Variants in LRP6 observed in about 807,000 individuals in gnomAD.
LRP6 encodes low-density lipoprotein receptor-related protein 6.
A neutral mutation model predicts 184.1 loss-of-function variants in LRP6; 43 were observed. The observed-to-expected ratio is 0.23, with a 90% CI of 0.18 to 0.30. LRP6 has a LOEUF of 0.30. Ranked by LOEUF, LRP6 falls within the 10% of genes least tolerant of loss-of-function variation. The probability of loss-of-function intolerance (pLI) is 1.00; values close to 1 mark genes in which losing one functional copy is unlikely to be tolerated. For missense variants in LRP6, 1,571 were observed against 2,005.3 expected, an observed-to-expected ratio of 0.78 and a Z score of 4.14; for synonymous variants, 719 against 684.9, an observed-to-expected ratio of 1.05 and a Z score of -0.78.
intron 7 of LRP6, 28 bp downstream of exon 7, chr12:12,179,782 C>T (rs202174398): frequency 9.3e-6 from 15 of 1,612,062 alleles, no homozygotes; most frequent in Middle Eastern, 1.7e-4. Context: ...ATAAAAGTGG[C>T]TTGAAAATGA....
In LRP6 at chr12:12,121,422, T is replaced by A. The variant is rs766252616; in HGVS notation, c.4548-2A>T. The A allele has an allele frequency of 6.2e-7, 1 of 1,613,782 alleles. No homozygotes were observed. Among genetic ancestry groups the A allele is most frequent in the Admixed American group, 1.7e-5 (1 of 59,994 alleles). ...TGCCGGTAGCTATATGGCCTGTAGCTGGTATAGGGAGAAAATAAAGAGAAG... is the reference window on the plus strand; with the variant it reads ...TGCCGGTAGCTATATGGCCTGTAGCAGGTATAGGGAGAAAATAAAGAGAAG... On this transcript the variant is annotated splice_acceptor_variant, in intron 22 of 22. Coordinates refer to ENST00000261349, the MANE Select transcript of LRP6 (RefSeq NM_002336.3). LOFTEE classifies it high-confidence loss of function.
chr12:12,257,523 G>A (rs1865493630), intron 1 of LRP6, among the ~76,000 whole-genome samples: 1 of 148,230 alleles, frequency 6.7e-6, no homozygotes. Context: ...GGAGCTTGCA[G>A]TGAGCCGAGA....
rs897069002 is a variant in LRP6 at position 12,187,006 on chromosome 12, G to A, written c.761C>T (p.Thr254Ile). ...ATGGATTTCACGCAGACCCTCACCA[G>A]TATACTTGTTGCAAGCCAAAATGGA... Reference protein sequence around the residue: ...THSILACNKYTGEGLREIHSD... With the variant: ...THSILACNKYIGEGLREIHSD... The change falls in exon 4 of 23, where the codon ACT becomes ATT. Residue 254 changes from threonine (T) to isoleucine (I), a missense_variant. Thr to Ile is a moderately conservative substitution (Grantham distance 89). Coordinates refer to ENST00000261349, the MANE Select transcript of LRP6 (RefSeq NM_002336.3). 6.2e-7 allele frequency: 1 copy of A among 1,614,086 alleles called. No homozygotes were observed. The highest frequency in any genetic ancestry group is 2.2e-5 in the East Asian group (1 of 44,878).
intron 2 of LRP6, among the ~76,000 whole-genome samples, chr12:12,237,715 C>G (rs1353686410): frequency 1.3e-5 from 2 of 152,176 alleles, no homozygotes; most frequent in African/African-American, 2.4e-5. Flanking sequence ...TAGAGCCAAA[C>G]TGAGGAACGT....
intron 19 of LRP6, 82 bp downstream of exon 19, chr12:12,130,701 C>T (rs922114186): frequency 6.2e-6 from 5 of 800,766 alleles, no homozygotes; most frequent in Admixed American, 3.9e-5. Flanking sequence ...AAGGAAATCT[C>T]GATAAGTAAA....
In LRP6 at chr12:12,251,144, G is replaced by T. The variant is rs558727396; in HGVS notation, c.56-6489C>A. On this transcript the variant is annotated intron_variant, in intron 1 of 22. Coordinates refer to ENST00000261349, the MANE Select transcript of LRP6 (RefSeq NM_002336.3). ...GACGTGGTTTTGCCATGTTAGCCAG[G>T]CTGGTCTTAAACTGCTGACCTCAAG... Among the ~76,000 whole-genome samples, 87 of 152,096 alleles carry T rather than the reference G, an allele frequency of 5.7e-4. 1 individual carries two copies. In the South Asian group the frequency reaches 0.018, roughly 31 times the overall value.
At chr12:12,128,769 C>G (rs1011188889) in intron 19 of LRP6, among the ~76,000 whole-genome samples, 2 of 152,192 alleles carry the variant, frequency 1.3e-5, no homozygotes, top group African/African-American at 2.4e-5. Flanking sequence ...CTTTGGTTTT[C>G]AGTTCCTGCT....
intron 2 of LRP6, among the ~76,000 whole-genome samples, chr12:12,228,884 C>T (rs372834124): frequency 2.0e-5 from 3 of 152,176 alleles, no homozygotes; most frequent in African/African-American, 7.2e-5. Flanking sequence ...GGCAATAGGC[C>T]CCAGCGAGCT....
chr12:12,164,449 T>G lies in LRP6; in HGVS notation c.1876A>C (p.Thr626Pro). The change falls in exon 9 of 23, where the codon ACC (threonine) becomes CCC (proline). Residue 626 changes from threonine to proline, a missense_variant. Thr to Pro is a conservative substitution (Grantham distance 38). Around this residue, in one of 4 missense-constraint regions of LRP6, gnomAD observed 640 missense variants for 851.9 expected, o/e 0.75. Coordinates refer to ENST00000261349, the MANE Select transcript of LRP6 (RefSeq NM_002336.3). ...IGFELISDMK[T>P]CIVPEAFLLF... The stretch of plus-strand genomic sequence containing the variant: ...AGGAAAGCCTCTGGGACAATGCAGG[T>G]CTTCATGTCACTGATGAGTTCAAAG... 6.2e-7 allele frequency: 1 copy of G among 1,614,118 alleles called. No homozygotes were observed. The highest frequency in any genetic ancestry group is 8.5e-7 in the Non-Finnish European group (1 of 1,180,002).
chr12:12,201,708 C>T (rs1296048757), intron 3 of LRP6, among the ~76,000 whole-genome samples: 1 of 152,166 alleles, frequency 6.6e-6, no homozygotes, highest in Non-Finnish European at 1.5e-5. Flanking sequence ...AAAACTATGA[C>T]ATGGCCACAT....
chr12:12,188,064 T>C (rs1005274524), intron 3 of LRP6, among the ~76,000 whole-genome samples: 1 of 151,670 alleles, frequency 6.6e-6, no homozygotes, highest in African/African-American at 2.4e-5. Flanking sequence ...ACAAAAAAAT[T>C]AGCCAGGCGT....
At chr12:12,219,357 C>T (rs1864428014) in intron 2 of LRP6, among the ~76,000 whole-genome samples, 1 of 152,138 alleles carries the variant, frequency 6.6e-6, no homozygotes, top group Admixed American at 6.5e-5. Flanking sequence ...AGGTGCCCGC[C>T]ACCACGCCTG....
At chr12:12,241,853 G>A (rs1325839310) in intron 2 of LRP6, among the ~76,000 whole-genome samples, 1 of 152,150 alleles carries the variant, frequency 6.6e-6, no homozygotes, top group East Asian at 1.9e-4. Context: ...TATCAGCTAA[G>A]TCTTTGGTGA....
chr12:12,131,065 G>A lies in LRP6; in HGVS notation c.3971-172C>T, dbSNP rs953531100. Among the ~76,000 whole-genome samples the A allele has an allele frequency of 4.4e-4, 65 of 149,054 alleles. 1 individual carries two copies. The highest frequency in any genetic ancestry group is 8.5e-4 in the Non-Finnish European group (57 of 67,420). ...TGGTTGAGAGAGAGAAAAAAGAGTA[G>A]GAGAAAAAAATCCAGCAGGAAATTT... On this transcript the variant is annotated intron_variant, in intron 18 of 22. Transcript: ENST00000261349.
chr12:12,203,265 C>A lies in LRP6; in HGVS notation c.585G>T (p.Lys195Asn). 1 of 1,613,782 alleles carries A rather than the reference C, an allele frequency of 6.2e-7. No individual in the cohort carries two copies. The highest frequency in any genetic ancestry group is 1.3e-5 in the African/African-American group (1 of 75,034). ...TAAGTTTTGCATCTGCCCAATAAAG[C>A]TTTTGTTCTTCATAATCCAAAGTCA... ...NGLTLDYEEQ[K>N]LYWADAKLNF... The change falls in exon 3 of 23, where the codon AAG becomes AAT. Residue 195 changes from lysine (K) to asparagine (N), a missense_variant. Coordinates refer to ENST00000261349, the MANE Select transcript of LRP6 (RefSeq NM_002336.3).
intron 4 of LRP6, chr12:12,186,676 TGAGA>T: frequency 9.8e-6 from 4 of 407,520 alleles, no homozygotes; most frequent in African/African-American, 2.0e-5. Flanking sequence ...TTTTTTTTTT[TGAGA>T]CACAGTCTTT....
intron 12 of LRP6, chr12:12,155,545 C>G (rs142482162): frequency 4.4e-5 from 33 of 745,076 alleles, no homozygotes; most frequent in Non-Finnish European, 6.5e-5. Flanking sequence ...ATATTCAGCA[C>G]GTTAAGCACG....
intron 2 of LRP6, among the ~76,000 whole-genome samples, chr12:12,233,586 C>T (rs1399845954): frequency 6.6e-6 from 1 of 152,144 alleles, no homozygotes; most frequent in Admixed American, 6.5e-5. Flanking sequence ...AGGGGGAGGA[C>T]CAACTGAACT....
At chr12:12,148,016 G>T (rs570140270) in intron 14 of LRP6, among the ~76,000 whole-genome samples, 1 of 139,810 alleles carries the variant, frequency 7.2e-6, no homozygotes, top group South Asian at 2.1e-4. Flanking sequence ...AAATATATAT[G>T]TGTATATATA....
Sources: allele counts gnomAD v4.1 joint callset (sites outside exome capture counted in the v4.1 genomes callset), GRCh38; gene constraint gnomAD v4.1.1; regional missense constraint gnomAD v4.1.1; transcripts MANE v1.5; gene names NCBI Gene and HGNC (gene_info 2026-07-23, HGNC 2026-07-21).